YAP1: variants seen among roughly 807,000 people sequenced by gnomAD.
YAP1 encodes Yes1 associated transcriptional regulator.
A neutral mutation model predicts 56.9 loss-of-function variants in YAP1; 5 were observed. That is an observed-to-expected ratio of 0.09 (90% CI 0.05 to 0.18). YAP1 has a LOEUF of 0.18. Ranked by LOEUF, YAP1 falls within the 10% of genes least tolerant of loss-of-function variation. The pLI, the probability that YAP1 is intolerant of heterozygous loss-of-function variation, is 1.00. For missense variants in YAP1, 539 were observed against 651.8 expected, an observed-to-expected ratio of 0.83 and a Z score of 1.88; for synonymous variants, 265 against 248.1, an observed-to-expected ratio of 1.07 and a Z score of -0.64.
At chr11:102,218,247 T>C (rs1949755744) in intron 6 of YAP1, among the ~76,000 whole-genome samples, 1 of 152,246 alleles carries the variant, frequency 6.6e-6, no homozygotes, top group African/African-American at 2.4e-5. Context: ...TACATTAGAG[T>C]CATCCCTTGG....
intron 2 of YAP1, among the ~76,000 whole-genome samples, chr11:102,134,051 C>G (rs1259742091): frequency 1.3e-5 from 2 of 152,158 alleles, no homozygotes; most frequent in Admixed American, 1.3e-4. Flanking sequence ...TAATTAACTC[C>G]AAAGACCCTA....
At chr11:102,220,387 A>T (rs1949868310) in intron 6 of YAP1, among the ~76,000 whole-genome samples, 1 of 152,176 alleles carries the variant, frequency 6.6e-6, no homozygotes, top group African/African-American at 2.4e-5. Flanking sequence ...TTGTAATGAT[A>T]ACATTCTGGA....
At chr11:102,151,320 A>G (rs1489323637) in intron 2 of YAP1, among the ~76,000 whole-genome samples, 1 of 152,114 alleles carries the variant, frequency 6.6e-6, no homozygotes, top group Non-Finnish European at 1.5e-5. Context: ...TACAGAAATC[A>G]TACCTCTGTA....
At chr11:102,215,103 A>T (rs1949598470) in intron 6 of YAP1, among the ~76,000 whole-genome samples, 1 of 152,226 alleles carries the variant, frequency 6.6e-6, no homozygotes, top group African/African-American at 2.4e-5. Flanking sequence ...GAAATAATAA[A>T]ATGTTTTATT....
chr11:102,211,671 T>A (rs1221891199), intron 6 of YAP1, among the ~76,000 whole-genome samples: 1 of 152,088 alleles, frequency 6.6e-6, no homozygotes, highest in Non-Finnish European at 1.5e-5. Flanking sequence ...AAGGTAGATG[T>A]CAGGAAATAG....
At chr11:102,172,300 ATTTTTTTTT>A (rs752185861) in intron 3 of YAP1, among the ~76,000 whole-genome samples, 1 of 110,820 alleles carries the variant, frequency 9.0e-6, no homozygotes, top group African/African-American at 4.3e-5. Flanking sequence ...ACAGTGAAGA[ATTTTTTTTT>A]TTTTTTTTTT....
In YAP1 at chr11:102,231,261, G is replaced by T. The variant is rs1419529768; in HGVS notation, c.*1321G>T. On this transcript the variant is annotated 3_prime_UTR_variant, in exon 9 of 9. Coordinates refer to ENST00000282441, the MANE Select transcript of YAP1 (RefSeq NM_001130145.3). Reference sequence around the variant, plus strand: ...GTGCATGACAGAAATAAGCTTTATAGTGGTTTACCTTCATTTAGCTTTGGA... The same window carrying T: ...GTGCATGACAGAAATAAGCTTTATATTGGTTTACCTTCATTTAGCTTTGGA... 1 of 152,210 alleles carries T rather than the reference G, an allele frequency of 6.6e-6. No individual in the cohort carries two copies. The highest frequency in any genetic ancestry group is 1.5e-5 in the Non-Finnish European group (1 of 68,020). The allele number at this position is 152,210 out of a possible 1,614,324, so 9.4% of individuals were successfully genotyped here. A position where few individuals can be genotyped will look rare whatever the true frequency, so the allele number is the denominator to read the frequency against.
intron 2 of YAP1, among the ~76,000 whole-genome samples, chr11:102,121,541 GA>G (rs1943652792): frequency 6.6e-6 from 1 of 152,074 alleles, no homozygotes; most frequent in South Asian, 2.1e-4. Context: ...GTCCAGTCTG[GA>G]ATGTGAATCC....
chr11:102,228,380 A>G (rs955848798), intron 8 of YAP1, among the ~76,000 whole-genome samples: 7 of 152,048 alleles, frequency 4.6e-5, no homozygotes, highest in Non-Finnish European at 1.0e-4. Context: ...TAAACCTGTA[A>G]TCCCAGCACT....
At chr11:102,112,202 T>C (rs1323115953) in intron 1 of YAP1, among the ~76,000 whole-genome samples, 2 of 152,202 alleles carry the variant, frequency 1.3e-5, no homozygotes, top group Non-Finnish European at 2.9e-5. Flanking sequence ...TAAAAGTTAA[T>C]GTTTGGGAAG....
At chr11:102,183,938 G>A (rs561890715) in intron 3 of YAP1, among the ~76,000 whole-genome samples, 2 of 150,992 alleles carry the variant, frequency 1.3e-5, no homozygotes, top group South Asian at 2.1e-4. Context: ...TTAGCCGGGC[G>A]TAGTGGCGGG....
rs1366658105 is a variant in YAP1, at chr11:102,186,052, T to C, written c.723T>C (p.Thr241=). 1 of 1,610,744 alleles carries C rather than the reference T, an allele frequency of 6.2e-7. No individual in the cohort carries two copies. The highest frequency in any genetic ancestry group is 8.5e-7 in the Non-Finnish European group (1 of 1,178,672). The change falls in exon 4 of 9, where the codon ACT becomes ACC. Residue 241 remains threonine (T), a synonymous_variant. Coordinates refer to ENST00000282441, the MANE Select transcript of YAP1 (RefSeq NM_001130145.3). ...PLPDGWEQAM[T]QDGEIYYINH... Reference sequence around the variant, plus strand: ...CTGATGGATGGGAACAAGCCATGACTCAGGATGGAGAAATTTACTATATAA... The same window carrying C: ...CTGATGGATGGGAACAAGCCATGACCCAGGATGGAGAAATTTACTATATAA...
chr11:102,224,505 A>T (rs1950096390), intron 7 of YAP1, among the ~76,000 whole-genome samples: 1 of 152,186 alleles, frequency 6.6e-6, no homozygotes, highest in Non-Finnish European at 1.5e-5. Context: ...TCCTTTTCTA[A>T]CTGATTTAAA....
intron 8 of YAP1, 25 bp from the exon 9 acceptor site, chr11:102,229,677 T>C (rs375186235): frequency 3.7e-6 from 6 of 1,603,642 alleles, no homozygotes; most frequent in African/African-American, 2.7e-5. Flanking sequence ...AAAAGGACTT[T>C]GTTATCTCTG....
At chr11:102,157,145 A>G (rs915587276) in intron 2 of YAP1, among the ~76,000 whole-genome samples, 2 of 152,216 alleles carry the variant, frequency 1.3e-5, no homozygotes, top group Non-Finnish European at 1.5e-5. Context: ...AGATTCTGAT[A>G]TCCTGTAGTG....
chr11:102,110,556 C>A lies in YAP1; in HGVS notation c.-293C>A, dbSNP rs1274823882. 3 of 198,838 alleles carry A rather than the reference C, an allele frequency of 1.5e-5. No individual in the cohort carries two copies. Among genetic ancestry groups the A allele is most frequent in the Non-Finnish European group, 3.0e-5 (3 of 99,358 alleles). The allele number at this position is 198,838 out of a possible 1,614,324, so 12.3% of individuals were successfully genotyped here. On this transcript the variant is annotated 5_prime_UTR_variant, in exon 1 of 9. Coordinates refer to ENST00000282441, the MANE Select transcript of YAP1 (RefSeq NM_001130145.3). The stretch of plus-strand genomic sequence containing the variant: ...GGAAAGGCAACGAGCTGTCCGGCCT[C>A]CGTCAAGGGAGTTGGAGGGAAAAAG...
intron 2 of YAP1, among the ~76,000 whole-genome samples, chr11:102,120,511 T>G (rs953199254): frequency 6.6e-6 from 1 of 152,266 alleles, no homozygotes; most frequent in Non-Finnish European, 1.5e-5. Context: ...GTTAGTGCCA[T>G]TACTTCATGT....
intron 2 of YAP1, among the ~76,000 whole-genome samples, chr11:102,118,608 G>A (rs1373638961): frequency 2.0e-5 from 3 of 151,408 alleles, no homozygotes; most frequent in African/African-American, 7.3e-5. Flanking sequence ...AAAATTAGCC[G>A]GGTGTGTTGG....
rs1950468656 is a variant in YAP1 at position 102,232,565 on chromosome 11, C to T, written c.*2625C>T. On this transcript the variant is annotated 3_prime_UTR_variant, in exon 9 of 9. Transcript: ENST00000282441. ...ACTGACCTGAAGGAGACCTAAGAGT[C>T]CTTTCCCTTTTTGAGTTTGAATCAT... is the stretch of plus-strand genomic sequence containing the variant. 1 of 152,572 alleles carries T rather than the reference C, an allele frequency of 6.6e-6. No homozygotes were observed. Among genetic ancestry groups the T allele is most frequent in the African/African-American group, 2.4e-5 (1 of 41,436 alleles). The allele number at this position is 152,572 out of a possible 1,614,324, so 9.5% of individuals were successfully genotyped here. A position where few individuals can be genotyped will look rare whatever the true frequency, so the allele number is the denominator to read the frequency against.
Sources: gnomAD v4.1 joint callset for allele counts (sites outside exome capture counted in the v4.1 genomes callset) on GRCh38, gnomAD v4.1.1 for gene constraint, MANE v1.5 for transcripts, NCBI Gene and HGNC (gene_info 2026-07-23, HGNC 2026-07-21) for gene names.